The following IGF2BP2 variants were observed in gnomAD, a reference collection of about 807,000 sequenced individuals.
IGF2BP2 encodes insulin like growth factor 2 mRNA binding protein 2.
Under a neutral mutation model 75.8 loss-of-function variants are expected in IGF2BP2, and 17 were observed. The observed-to-expected ratio is 0.22, with a 90% confidence interval of 0.15 to 0.34. The LOEUF (loss-of-function observed/expected upper bound fraction) is 0.34, where lower values mean the gene tolerates loss of function less well. Ranked by LOEUF, IGF2BP2 falls within the 10% of genes least tolerant of loss-of-function variation. The pLI is 1.00. For missense variants in IGF2BP2, 516 were observed against 772.4 expected, an observed-to-expected ratio of 0.67 and a Z score of 3.93; for synonymous variants, 288 against 295.6, an observed-to-expected ratio of 0.97 and a Z score of 0.26.
At chr3:185,746,324 C>T (rs1730245352) in intron 2 of IGF2BP2, among the ~76,000 whole-genome samples, 2 of 152,160 alleles carry the variant, frequency 1.3e-5, no homozygotes, top group South Asian at 4.1e-4. Context: ...CACCTAACTG[C>T]TCACAGCGAC....
At chr3:185,698,228 C>G (rs2149358520) in intron 3 of IGF2BP2, 71 bp downstream of exon 3, 4 of 1,394,762 alleles carry the variant, frequency 2.9e-6, no homozygotes, top group Non-Finnish European at 4.1e-6. Flanking sequence ...CCCTCTAATT[C>G]CTAAATGTAA....
chr3:185,667,826 T>C (rs1224453567), intron 10 of IGF2BP2, among the ~76,000 whole-genome samples: 2 of 152,240 alleles, frequency 1.3e-5, no homozygotes, highest in Admixed American at 1.3e-4. Context: ...GGAAGGCTTG[T>C]GGCAACCCTA....
chr3:185,712,179 G>T (rs1724897397), intron 2 of IGF2BP2, among the ~76,000 whole-genome samples: 1 of 152,092 alleles, frequency 6.6e-6, no homozygotes, highest in African/African-American at 2.4e-5. Context: ...CAAACCAACA[G>T]ATTATGCTTA....
intron 2 of IGF2BP2, among the ~76,000 whole-genome samples, chr3:185,747,380 G>A (rs1010831867): frequency 6.6e-6 from 1 of 152,024 alleles, no homozygotes; most frequent in Non-Finnish European, 1.5e-5. Context: ...CTGTTATTAC[G>A]GGTTTTAAAA....
At position 185,649,460 on chromosome 3, in the gene IGF2BP2, C is replaced by T. The variant is rs757747673; in HGVS notation, c.1536G>A (p.Ala512=). 7 of 1,614,130 alleles carry T rather than the reference C, an allele frequency of 4.3e-6. No homozygotes were observed. The highest frequency in any genetic ancestry group is 2.7e-5 in the African/African-American group (2 of 75,050). Residue 512 remains alanine, a synonymous_variant, in exon 14 of 16, where the codon GCG becomes GCA. Transcript: ENST00000382199. ...CTGTGGAAGAGGGCACTCTGATATG[C>T]GCTTCCAGCTTCACTTCTTCTTTGG... The part of the protein sequence containing the change: ...FNPKEEVKLE[A]HIRVPSSTAG...
At chr3:185,778,634 T>TAA (rs1734826903) in intron 2 of IGF2BP2, among the ~76,000 whole-genome samples, 1 of 152,196 alleles carries the variant, frequency 6.6e-6, no homozygotes, top group African/African-American at 2.4e-5. Flanking sequence ...GGAAGGGAAC[T>TAA]AGACTCGGAA....
chr3:185,786,391 T>C (rs1285200294), intron 2 of IGF2BP2, among the ~76,000 whole-genome samples: 1 of 152,184 alleles, frequency 6.6e-6, no homozygotes, highest in African/African-American at 2.4e-5. Flanking sequence ...AAGTAAAGAA[T>C]CACAAAAGAA....
At chr3:185,646,357 G>C (rs1192574750) in intron 15 of IGF2BP2, among the ~76,000 whole-genome samples, 14 of 152,218 alleles carry the variant, frequency 9.2e-5, no homozygotes, top group Non-Finnish European at 1.6e-4. Flanking sequence ...CAGGTGTTGG[G>C]AGAGCAGGCT....
intron 2 of IGF2BP2, among the ~76,000 whole-genome samples, chr3:185,758,140 A>G (rs1406529148): frequency 1.3e-5 from 2 of 152,232 alleles, no homozygotes; most frequent in Non-Finnish European, 2.9e-5. Context: ...AGGAGATGAT[A>G]TAGGCAGTCT....
Position 185,672,559 on chromosome 3 carries a change from G to A in IGF2BP2, c.1182C>T (p.Ala394=), listed in dbSNP as rs1418931487. 6.2e-7 allele frequency: 1 copy of A among 1,612,882 alleles called. No individual in the cohort carries two copies. Among genetic ancestry groups the A allele is most frequent in the South Asian group, 1.1e-5 (1 of 90,866 alleles). ...PAGPRGAPPA[A]PYHPFTTHSG... is the part of the protein sequence containing the mutation. ...TACTTACAGTGAAGGGGTGGTAGGG[G>A]GCAGCGGGGGGAGCTCCGCGGGGCC... Residue 394 remains alanine, a synonymous_variant, in exon 10 of 16, where the codon GCC becomes GCT. Transcript: ENST00000382199.
intron 2 of IGF2BP2, among the ~76,000 whole-genome samples, chr3:185,733,049 C>T (rs754711150): frequency 3.3e-5 from 5 of 152,198 alleles, no homozygotes; most frequent in Non-Finnish European, 5.9e-5. Context: ...TGCTTCCCCA[C>T]CCTATTCATC....
intron 2 of IGF2BP2, among the ~76,000 whole-genome samples, chr3:185,720,396 G>A (rs1726340185): frequency 6.6e-6 from 1 of 152,184 alleles, no homozygotes; most frequent in South Asian, 2.1e-4. Context: ...CCAGGCTGGA[G>A]TGTAATGGTG....
chr3:185,655,931 G>A (rs1160335996), intron 12 of IGF2BP2, among the ~76,000 whole-genome samples: 1 of 152,248 alleles, frequency 6.6e-6, no homozygotes, highest in African/African-American at 2.4e-5. Flanking sequence ...TGAGCCCCAG[G>A]AGGTGCTGGA....
chr3:185,732,779 G>C (rs191956154), intron 2 of IGF2BP2, among the ~76,000 whole-genome samples: 3 of 152,314 alleles, frequency 2.0e-5, no homozygotes, highest in Non-Finnish European at 2.9e-5. Context: ...CTCAATTAGA[G>C]AAAATATTTT....
chr3:185,677,068 T>TATATAGAGAGAGAGAGAGAGAGAG, intron 7 of IGF2BP2, among the ~76,000 whole-genome samples: 3 of 35,862 alleles, frequency 8.4e-5, no homozygotes, highest in African/African-American at 1.6e-4. Context: ...TATATATATA[T>TATATAGAGAGAGAGAGAGAGAGAG]AGAGAGAGAG....
At chr3:185,697,780 T>C (rs538593738) in intron 3 of IGF2BP2, among the ~76,000 whole-genome samples, 4 of 151,944 alleles carry the variant, frequency 2.6e-5, no homozygotes, top group Non-Finnish European at 4.4e-5. Flanking sequence ...AACCTAAGAG[T>C]TCGAGGCCAG....
intron 6 of IGF2BP2, among the ~76,000 whole-genome samples, chr3:185,687,841 T>C (rs1577972356): frequency 6.6e-6 from 1 of 152,316 alleles, no homozygotes; most frequent in East Asian, 1.9e-4. Flanking sequence ...CTTTGGTTGT[T>C]AGAAAGCCTA....
chr3:185,799,009 C>G lies in IGF2BP2; in HGVS notation c.239+24144G>C, dbSNP rs80081424. Among the ~76,000 whole-genome samples the G allele has an allele frequency of 3.4e-3, 521 of 151,834 alleles. 1 individual carries two copies. Among genetic ancestry groups the G allele is most frequent in the African/African-American group, 0.012 (502 of 41,472 alleles). On this transcript the variant is annotated intron_variant, in intron 2 of 15. Coordinates refer to ENST00000382199, the MANE Select transcript of IGF2BP2 (RefSeq NM_006548.6). ...CAGGCTGGTCTCGAATTCCTAGGCT[C>G]AAGTGATCTTCCCGCCTCAGCCTCC...
intron 2 of IGF2BP2, among the ~76,000 whole-genome samples, chr3:185,779,466 T>C (rs1000329450): frequency 6.6e-6 from 1 of 152,256 alleles, no homozygotes; most frequent in East Asian, 1.9e-4. Context: ...TGGCAAAACA[T>C]AGCTTCCTAG....
Sources: allele counts gnomAD v4.1 joint callset (sites outside exome capture counted in the v4.1 genomes callset), GRCh38; gene constraint gnomAD v4.1.1; transcripts MANE v1.5; gene names NCBI Gene and HGNC (gene_info 2026-07-23, HGNC 2026-07-21).